LRGUK: variants seen among roughly 807,000 people sequenced by gnomAD.
The protein encoded by LRGUK is leucine-rich repeat and guanylate kinase domain-containing protein.
Under a neutral mutation model 76.0 loss-of-function variants are expected in LRGUK, and 65 were observed. That is an observed-to-expected ratio of 0.85 (90% CI 0.70 to 1.05). The LOEUF is 1.05. Among genes scored for constraint, LRGUK ranks in the 50% least tolerant of loss-of-function variants. LRGUK has a pLI of 0.00. For synonymous variants in LRGUK, 268 were observed against 265.6 expected, an observed-to-expected ratio of 1.01 and a Z score of -0.09; for missense variants, 758 against 732.8, an observed-to-expected ratio of 1.03 and a Z score of -0.40.
intron 9 of LRGUK, among the ~76,000 whole-genome samples, 168 bp downstream of exon 9, chr7:134,177,231 C>T (rs1799521708): frequency 6.6e-6 from 1 of 152,120 alleles, no homozygotes; most frequent in Admixed American, 6.5e-5. Flanking sequence ...TCATTTAACC[C>T]TCTGCAAAGG....
At position 134,201,723 on chromosome 7, in the gene LRGUK, A is replaced by G. The variant is rs552978407; in HGVS notation, c.1843+147A>G. 42 of 598,512 alleles carry G rather than the reference A, an allele frequency of 7.0e-5. No homozygotes were observed. The African/African-American group carries it at 7.5e-4, about 11-fold the overall frequency. The allele number at this position is 598,512 out of a possible 1,614,324, so 37.1% of individuals were successfully genotyped here. A position where few individuals can be genotyped will look rare whatever the true frequency, so the allele number is the denominator to read the frequency against. On this transcript the variant is annotated intron_variant, in intron 15 of 15. Transcript: ENST00000645682. ...TTCTTCTGGGGCAATTGTCCCCAAA[A>G]CAAGCAGCATGAGTCAGCTTTCTGG...
At chr7:134,127,425 T>C (rs1455183716) in exon 1 of LRGUK, 1 of 1,613,040 alleles carries the variant, frequency 6.2e-7, no homozygotes, top group Non-Finnish European at 8.5e-7. Flanking sequence ...CCTGAGAGGC[T>C]TGGGCAGATC....
At chr7:134,266,651 G>C (rs758238361), downstream of LRGUK, among the ~76,000 whole-genome samples, 10 of 152,180 alleles carry the variant, frequency 6.6e-5, no homozygotes, top group Non-Finnish European at 1.0e-4. Context: ...TCCCAGGGAT[G>C]TGTAGGACTA....
At chr7:134,179,149 G>C (rs1259398722) in intron 10 of LRGUK, among the ~76,000 whole-genome samples, 1 of 152,160 alleles carries the variant, frequency 6.6e-6, no homozygotes, top group Non-Finnish European at 1.5e-5. Flanking sequence ...ACCTGAAACA[G>C]TCTTTGCACT....
At chr7:134,191,416 ATAAG>A (rs1360995344) in intron 11 of LRGUK, among the ~76,000 whole-genome samples, 4 of 152,234 alleles carry the variant, frequency 2.6e-5, no homozygotes, top group Non-Finnish European at 5.9e-5. Context: ...TCAGAAGGTG[ATAAG>A]TAATAATGAG....
At position 134,158,852 on chromosome 7, in the gene LRGUK, A is replaced by G. The variant is rs749843661; in HGVS notation, c.795+693A>G. Among the ~76,000 whole-genome samples, 3 of 152,330 alleles carry G rather than the reference A, an allele frequency of 2.0e-5. No individual in the cohort carries two copies. In the East Asian group the frequency reaches 5.8e-4, roughly 29 times the overall value. On this transcript the variant is annotated intron_variant, in intron 6 of 15. Transcript: ENST00000645682. The stretch of plus-strand genomic sequence containing the variant: ...GGATAGCTCCCTAACTTGGGGGTCT[A>G]CAGTATTGACTGTGAAATATCCAGG...
At chr7:134,189,745 G>A (rs1378639127) in intron 11 of LRGUK, among the ~76,000 whole-genome samples, 1 of 152,220 alleles carries the variant, frequency 6.6e-6, no homozygotes, top group Non-Finnish European at 1.5e-5. Flanking sequence ...CCAATAGACA[G>A]AGGGTGTCAG....
the LRGUK span, among the ~76,000 whole-genome samples, chr7:134,275,158 A>G: frequency 6.6e-6 from 1 of 151,990 alleles, no homozygotes; most frequent in South Asian, 2.1e-4. Context: ...CCATTCCCAC[A>G]ATTATAAGTT....
chr7:134,244,768 G>A (rs1031587439), intron 16 of LRGUK, among the ~76,000 whole-genome samples: 13 of 152,106 alleles, frequency 8.5e-5, no homozygotes, highest in Admixed American at 5.9e-4. Flanking sequence ...GTTTATTGCG[G>A]CACTATTCAC....
exon 18 of LRGUK, chr7:134,249,058 G>A (rs754325149): frequency 3.6e-5 from 57 of 1,578,150 alleles, no homozygotes; most frequent in Non-Finnish European, 4.8e-5. Flanking sequence ...CCTCCATTTG[G>A]ACCATATCCT....
chr7:134,247,593 G>A lies in LRGUK; in HGVS notation c.2021G>A (p.Arg674Gln), dbSNP rs146196005. Residue 674 changes from arginine to glutamine, a missense_variant, in exon 17 of 20, where the codon CGG becomes CAG. Arg to Gln is a conservative substitution (Grantham distance 43). Coordinates refer to the LRGUK transcript ENST00000285928. ...ATACACAGACAGCACGAGGCAGCCC[G>A]GCAAGCTCTAATGGGAAGGATACGC... 1.1e-4 allele frequency: 185 copies of A among 1,613,744 alleles called. 1 individual carries two copies. In the African/African-American group the frequency reaches 1.9e-3, roughly 17 times the overall value.
intron 7 of LRGUK, among the ~76,000 whole-genome samples, chr7:134,167,562 C>G (rs1223381203): frequency 6.6e-6 from 1 of 152,148 alleles, no homozygotes; most frequent in Non-Finnish European, 1.5e-5. Context: ...AGGCCAGCTA[C>G]GCAGGACTGG....
intron 12 of LRGUK, 66 bp downstream of exon 12, chr7:134,191,817 AATAGTT>A (rs1800264653): frequency 1.9e-6 from 2 of 1,040,902 alleles, no homozygotes; most frequent in African/African-American, 1.6e-5. Flanking sequence ...AATGTTAGGA[AATAGTT>A]ATAAATAAAA....
At chr7:134,132,173 CCT>C (rs1797338191) in intron 1 of LRGUK, among the ~76,000 whole-genome samples, 2 of 151,892 alleles carry the variant, frequency 1.3e-5, no homozygotes. Context: ...ATAATAAGAC[CCT>C]GTCTCTATAA....
chr7:134,197,850 C>A (rs1800571100), intron 13 of LRGUK, among the ~76,000 whole-genome samples: 1 of 152,024 alleles, frequency 6.6e-6, no homozygotes. Flanking sequence ...TACTTGGAAC[C>A]TTCAAAAATA....
At chr7:134,276,150 T>C in the LRGUK span, among the ~76,000 whole-genome samples, 1 of 152,226 alleles carries the variant, frequency 6.6e-6, no homozygotes, top group African/African-American at 2.4e-5. Flanking sequence ...GACCACACTC[T>C]CAGTAGCTTA....
intron 16 of LRGUK, among the ~76,000 whole-genome samples, chr7:134,225,215 G>T (rs549488277): frequency 9.9e-5 from 15 of 152,006 alleles, no homozygotes; most frequent in African/African-American, 3.6e-4. Flanking sequence ...ACAGTATGGG[G>T]AAACTGGAGA....
In LRGUK at chr7:134,148,235, C is replaced by T. The variant is rs1275565745; in HGVS notation, c.589-3C>T. The T allele has an allele frequency of 6.3e-7, 1 of 1,593,198 alleles. No homozygotes were observed. The highest frequency in any genetic ancestry group is 8.6e-7 in the Non-Finnish European group (1 of 1,166,462). On this transcript the variant is annotated splice_polypyrimidine_tract_variant and splice_region_variant and intron_variant, in intron 4 of 15. Transcript: ENST00000645682. ...TAACATCTTGTTCTCTTTCTCTTGC[C>T]AGAAGGCGGATTTTTCCCACAACCA...
intron 15 of LRGUK, among the ~76,000 whole-genome samples, chr7:134,217,527 A>G (rs1801466613): frequency 1.3e-5 from 2 of 152,182 alleles, no homozygotes; most frequent in African/African-American, 2.4e-5. Context: ...TTTCTACTCT[A>G]AAAGTTTATT....
Sources: gnomAD v4.1 joint callset for allele counts (sites outside exome capture counted in the v4.1 genomes callset) on GRCh38, gnomAD v4.1.1 for gene constraint, MANE v1.5 for transcripts, NCBI Gene and HGNC (gene_info 2026-07-23, HGNC 2026-07-21) for gene names.